Variants in KLF7 observed in about 807,000 individuals in gnomAD.
The protein encoded by KLF7 is Krueppel-like factor 7.
KLF7 carries 2 observed loss-of-function variants against 27.3 expected under a neutral mutation model. The observed-to-expected ratio is 0.07, with a 90% CI of 0.03 to 0.23. The LOEUF is 0.23. Among genes scored for constraint, KLF7 ranks in the 10% least tolerant of loss-of-function variants. The probability of loss-of-function intolerance (pLI) is 1.00; values close to 1 mark genes in which losing one functional copy is unlikely to be tolerated. For missense variants in KLF7, 221 were observed against 394.1 expected (o/e 0.56, Z 3.72); for synonymous variants, 165 against 162.4 (o/e 1.02, Z -0.12).
chr2:207,134,074 G>A, intron 1 of KLF7: 1 of 1,534,976 alleles, frequency 6.5e-7, no homozygotes, highest in South Asian at 1.2e-5. Flanking sequence ...CACTGGCCAA[G>A]ACGGGAACAT....
At chr2:207,169,185 G>A (rs2078768598), upstream of KLF7, among the ~76,000 whole-genome samples, 1 of 152,154 alleles carries the variant, frequency 6.6e-6, no homozygotes, top group African/African-American at 2.4e-5. Flanking sequence ...CTTGGGAGGT[G>A]TTCATTTTAC....
chr2:207,116,484 G>T (rs2105959369), intron 2 of KLF7, among the ~76,000 whole-genome samples: 1 of 151,992 alleles, frequency 6.6e-6, no homozygotes, highest in Admixed American at 6.6e-5. Context: ...TCAACTTCAG[G>T]AAACATAGAA....
chr2:207,162,304 A>G (rs967096915), intron 1 of KLF7, among the ~76,000 whole-genome samples: 1 of 152,232 alleles, frequency 6.6e-6, no homozygotes, highest in Admixed American at 6.5e-5. Context: ...TTGCTCAGAC[A>G]GCTCTTGGAA....
At chr2:207,136,526 G>A (rs1451564622) in intron 1 of KLF7, among the ~76,000 whole-genome samples, 2 of 152,120 alleles carry the variant, frequency 1.3e-5, no homozygotes, top group Non-Finnish European at 2.9e-5. Context: ...AGAGAAACTA[G>A]GCCAAACAGC....
At chr2:207,153,289 T>C (rs2078292817) in intron 1 of KLF7, among the ~76,000 whole-genome samples, 1 of 152,178 alleles carries the variant, frequency 6.6e-6, no homozygotes, top group African/African-American at 2.4e-5. Flanking sequence ...AATTAAATTA[T>C]CATCTAGTTA....
At chr2:207,090,129 C>T (rs1304951094) in intron 2 of KLF7, among the ~76,000 whole-genome samples, 1 of 152,014 alleles carries the variant, frequency 6.6e-6, no homozygotes, top group Non-Finnish European at 1.5e-5. Flanking sequence ...CTGTAAGACC[C>T]ACAGAGAAGG....
At chr2:207,144,483 T>C (rs921520718) in intron 1 of KLF7, among the ~76,000 whole-genome samples, 1 of 152,164 alleles carries the variant, frequency 6.6e-6, no homozygotes, top group Non-Finnish European at 1.5e-5. Flanking sequence ...ACCCTATCCT[T>C]GTGTTCCTTC....
intron 2 of KLF7, among the ~76,000 whole-genome samples, chr2:207,109,788 A>G (rs555718189): frequency 2.7e-4 from 41 of 152,286 alleles, no homozygotes; most frequent in African/African-American, 9.9e-4. Flanking sequence ...CCATCAAGAT[A>G]ATATTACTAA....
At chr2:207,104,290 T>C (rs1362101976) in intron 2 of KLF7, among the ~76,000 whole-genome samples, 1 of 152,234 alleles carries the variant, frequency 6.6e-6, no homozygotes, top group Admixed American at 6.5e-5. Context: ...TCTGATGAAA[T>C]GTCTATATTT....
intron 1 of KLF7, among the ~76,000 whole-genome samples, chr2:207,151,540 A>G (rs998470862): frequency 6.6e-6 from 1 of 152,220 alleles, no homozygotes; most frequent in Non-Finnish European, 1.5e-5. Context: ...CTTGGGTAGG[A>G]GGACAACTGG....
intron 1 of KLF7, among the ~76,000 whole-genome samples, chr2:207,136,300 A>C (rs1460078387): frequency 1.3e-5 from 2 of 152,028 alleles, no homozygotes; most frequent in South Asian, 4.2e-4. Flanking sequence ...ACTCTACATG[A>C]TCTGACCTTA....
chr2:207,160,987 A>G (rs1285075787), intron 1 of KLF7, among the ~76,000 whole-genome samples: 1 of 152,222 alleles, frequency 6.6e-6, no homozygotes, highest in Non-Finnish European at 1.5e-5. Context: ...AGAACAAAGA[A>G]TAGTGACCTC....
intron 1 of KLF7, among the ~76,000 whole-genome samples, chr2:207,164,803 C>T (rs145342862): frequency 7.9e-5 from 12 of 152,294 alleles, no homozygotes; most frequent in African/African-American, 2.9e-4. Context: ...AGAGGGTGTT[C>T]TCTTTCTGGA....
intron 2 of KLF7, among the ~76,000 whole-genome samples, chr2:207,116,694 A>G (rs1411986155): frequency 3.9e-5 from 6 of 152,194 alleles, no homozygotes; most frequent in African/African-American, 1.4e-4. Flanking sequence ...CTAAAAGTTT[A>G]CACTTGGCCT....
chr2:207,119,938 C>G (rs2077292435), intron 2 of KLF7, among the ~76,000 whole-genome samples: 1 of 152,206 alleles, frequency 6.6e-6, no homozygotes, highest in African/African-American at 2.4e-5. Flanking sequence ...AGGTGATCCA[C>G]CTGCCTAGGC....
At chr2:207,145,200 AC>A (rs1479503478) in intron 1 of KLF7, among the ~76,000 whole-genome samples, 10 of 152,206 alleles carry the variant, frequency 6.6e-5, no homozygotes, top group African/African-American at 2.4e-4. Context: ...TTAAGACCTT[AC>A]TGGCAGGCTC....
intron 2 of KLF7, among the ~76,000 whole-genome samples, chr2:207,101,796 C>T (rs2076770584): frequency 6.6e-6 from 1 of 152,138 alleles, no homozygotes; most frequent in African/African-American, 2.4e-5. Context: ...CTTTCTTCTG[C>T]TCGCCTAACT....
intron 2 of KLF7, 67 bp downstream of exon 2, chr2:207,123,707 C>T: frequency 1.3e-6 from 2 of 1,523,478 alleles, no homozygotes; most frequent in Non-Finnish European, 1.8e-6. Context: ...CAAAGAGGAG[C>T]CCTCCCACAT....
intron 1 of KLF7, among the ~76,000 whole-genome samples, chr2:207,157,517 AG>A (rs1377254580): frequency 6.6e-6 from 1 of 152,216 alleles, no homozygotes; most frequent in African/African-American, 2.4e-5. Flanking sequence ...ACATGTGAAA[AG>A]GGGGGAACTT....
Sources: allele counts gnomAD v4.1 joint callset (sites outside exome capture counted in the v4.1 genomes callset), GRCh38; gene constraint gnomAD v4.1.1; transcripts MANE v1.5; gene names NCBI Gene and HGNC (gene_info 2026-07-23, HGNC 2026-07-21).